ACP6: variants seen among roughly 807,000 people sequenced by gnomAD.
ACP6 encodes lysophosphatidic acid phosphatase type 6.
Under a neutral mutation model 48.1 loss-of-function variants are expected in ACP6, and 48 were observed. That is an observed-to-expected ratio of 1.00 (90% CI 0.79 to 1.27). The LOEUF is 1.27. ACP6 is among the 50% of genes most tolerant of loss of function. The probability of loss-of-function intolerance (pLI) is 0.00; values close to 1 mark genes in which losing one functional copy is unlikely to be tolerated. For synonymous variants in ACP6, 172 were observed against 204.2 expected (o/e 0.84, Z 1.34); for missense variants, 485 against 529.1 (o/e 0.92, Z 0.82).
chr1:147,649,826 C>CA, intron 8 of ACP6: 1 of 371,626 alleles, frequency 2.7e-6, no homozygotes, highest in Non-Finnish European at 4.8e-6. Context: ...ATCCATTAAG[C>CA]AATTTATCTT....
At chr1:147,639,715 CCAAATT>C (rs1361805603), downstream of ACP6, among the ~76,000 whole-genome samples, 9 of 152,262 alleles carry the variant, frequency 5.9e-5, no homozygotes, top group African/African-American at 2.2e-4. Context: ...CTATTTCCTT[CCAAATT>C]AATTCTCTGA....
chr1:147,646,910 C>G lies in ACP6; in HGVS notation c.*513G>C, dbSNP rs921559973. The G allele has an allele frequency of 6.5e-6, 1 of 154,300 alleles. No homozygotes were observed. Among genetic ancestry groups the G allele is most frequent in the African/African-American group, 2.4e-5 (1 of 41,448 alleles). 9.6% of individuals were successfully genotyped at this position (154,300 alleles called of 1,614,324 possible). ...AGCCTTCCTTGACTGTTCCCCACAT[C>G]CCCTGCCATGTGAGCAGGAAGTTTC... is the stretch of plus-strand genomic sequence containing the variant. On this transcript the variant is annotated 3_prime_UTR_variant, in exon 10 of 10. Coordinates refer to ENST00000583509, the MANE Select transcript of ACP6 (RefSeq NM_016361.5).
intron 5 of ACP6, among the ~76,000 whole-genome samples, chr1:147,634,181 GTT>G (rs1242581306): frequency 2.0e-5 from 3 of 152,136 alleles, no homozygotes; most frequent in Non-Finnish European, 4.4e-5. Flanking sequence ...TGTGGTTTTG[GTT>G]TGCATTTCTC....
chr1:147,663,457 T>G (rs1437041120), intron 1 of ACP6, among the ~76,000 whole-genome samples: 1 of 152,196 alleles, frequency 6.6e-6, no homozygotes, highest in East Asian at 1.9e-4. Flanking sequence ...GCTAAGCCAG[T>G]GTCATCATAT....
intron 5 of ACP6, among the ~76,000 whole-genome samples, chr1:147,632,463 G>A (rs1659196632): frequency 6.6e-6 from 1 of 152,086 alleles, no homozygotes; most frequent in Admixed American, 6.6e-5. Flanking sequence ...GGTACATGAG[G>A]TGGACCCTAT....
At chr1:147,637,977 C>T (rs1406010045), downstream of ACP6, among the ~76,000 whole-genome samples, 1 of 152,192 alleles carries the variant, frequency 6.6e-6, no homozygotes, top group Non-Finnish European at 1.5e-5. Context: ...AGGGCAAAGG[C>T]CTATCATACA....
downstream of ACP6, among the ~76,000 whole-genome samples, chr1:147,641,822 T>C (rs1553208747): frequency 6.6e-6 from 1 of 151,978 alleles, no homozygotes; most frequent in African/African-American, 2.4e-5. Flanking sequence ...TCTGTACAAA[T>C]CTCCTGCACA....
intron 5 of ACP6, among the ~76,000 whole-genome samples, chr1:147,636,735 G>C (rs947716122): frequency 6.6e-6 from 1 of 152,194 alleles, no homozygotes; most frequent in Non-Finnish European, 1.5e-5. Context: ...GCCTTAGGCT[G>C]TAATGCAAAA....
intron 8 of ACP6, 110 bp from the exon 9 acceptor site, chr1:147,648,521 C>G: frequency 7.7e-7 from 1 of 1,297,254 alleles, no homozygotes; most frequent in East Asian, 2.3e-5. Context: ...TAGGTGACAT[C>G]TAGAAATCAG....
rs587626962 is a variant in ACP6, at chr1:147,635,237, G to T, written c.461-4172C>A. Among the ~76,000 whole-genome samples the T allele has an allele frequency of 2.7e-3, 418 of 152,226 alleles. 2 individuals carry two copies. The highest frequency in any genetic ancestry group is 9.6e-3 in the African/African-American group (398 of 41,516). On this transcript the variant is annotated intron_variant, in intron 5 of 5. Coordinates refer to the ACP6 transcript ENST00000609196. ...AACTTAACTTTTTATCTACTCCAGGGTATTACCTACCAAATAGGAAGATCC... is the reference window on the plus strand; with the variant it reads ...AACTTAACTTTTTATCTACTCCAGGTTATTACCTACCAAATAGGAAGATCC...
intron 9 of ACP6, chr1:147,647,786 A>C (rs1659699180): frequency 1.6e-6 from 1 of 643,638 alleles, no homozygotes; most frequent in East Asian, 2.9e-5. Context: ...GGGAAGAAAG[A>C]GTCGAGTTAC....
At chr1:147,659,957 T>A (rs1430317643) in intron 1 of ACP6, among the ~76,000 whole-genome samples, 182 bp from the exon 2 acceptor site, 5 of 152,240 alleles carry the variant, frequency 3.3e-5, no homozygotes, top group African/African-American at 9.6e-5. Flanking sequence ...GGTGATTTAT[T>A]ATTCCAGGTG....
chr1:147,657,780 G>A (rs1047754209), intron 4 of ACP6, among the ~76,000 whole-genome samples: 1 of 152,180 alleles, frequency 6.6e-6, no homozygotes, highest in Non-Finnish European at 1.5e-5. Flanking sequence ...AGCTACAAAA[G>A]AAGCCAATCT....
chr1:147,632,428 C>T (rs1171350448), intron 5 of ACP6, among the ~76,000 whole-genome samples: 1 of 151,848 alleles, frequency 6.6e-6, no homozygotes, highest in Non-Finnish European at 1.5e-5. Flanking sequence ...GCTTGGGTGG[C>T]CAGGAAAGAT....
At chr1:147,650,262 A>G (rs782514349) in intron 7 of ACP6, 24 bp from the exon 8 acceptor site, 1 of 1,557,070 alleles carries the variant, frequency 6.4e-7, no homozygotes, top group African/African-American at 1.4e-5. Context: ...ACAACATTTA[A>G]GCACCTAGAG....
intron 6 of ACP6, among the ~76,000 whole-genome samples, chr1:147,653,939 A>G (rs1033812295): frequency 6.6e-6 from 1 of 152,070 alleles, no homozygotes; most frequent in Non-Finnish European, 1.5e-5. Context: ...CCCAAACACA[A>G]ACTGCATATT....
chr1:147,653,921 C>A (rs1660090417), intron 6 of ACP6, among the ~76,000 whole-genome samples: 1 of 152,066 alleles, frequency 6.6e-6, no homozygotes, highest in Non-Finnish European at 1.5e-5. Flanking sequence ...ACCCATTGCC[C>A]CTGCCTGCCC....
At position 147,655,241 on chromosome 1, in the gene ACP6, G is replaced by A. The variant is rs781783425; in HGVS notation, c.567C>T (p.Ile189=). The A allele has an allele frequency of 6.2e-7, 1 of 1,603,500 alleles. No individual in the cohort carries two copies. Among genetic ancestry groups the A allele is most frequent in the East Asian group, 2.2e-5 (1 of 44,656 alleles). The change falls in exon 5 of 10, where the codon ATC becomes ATT. Residue 189 remains isoleucine (I), a synonymous_variant. Coordinates refer to ENST00000583509, the MANE Select transcript of ACP6 (RefSeq NM_016361.5). ...AATCTGCTTCATCAGTGTGGATGAT[G>A]ATGGGTCCTGGAAGAAAGGGAGGAA... ...GLFQCQKEGP[I]IIHTDEADSE... is the part of the protein sequence containing the mutation.
intron 5 of ACP6, 25 bp downstream of exon 5, chr1:147,655,136 T>C (rs1292746096): frequency 6.4e-7 from 1 of 1,570,994 alleles, no homozygotes; most frequent in Non-Finnish European, 8.7e-7. Context: ...CCCCAACTGG[T>C]GAGCAAGAAC....
Sources: allele counts gnomAD v4.1 joint callset (sites outside exome capture counted in the v4.1 genomes callset), GRCh38; gene constraint gnomAD v4.1.1; transcripts MANE v1.5; gene names NCBI Gene and HGNC (gene_info 2026-07-23, HGNC 2026-07-21).